LPIN1: variants seen among roughly 807,000 people sequenced by gnomAD.
The protein encoded by LPIN1 is lipin 1.
Under a neutral mutation model 107.5 loss-of-function variants are expected in LPIN1, and 71 were observed. The ratio of observed to expected loss-of-function variants is 0.66; its 90% confidence interval spans 0.55 to 0.80. The LOEUF (loss-of-function observed/expected upper bound fraction) is 0.80, where lower values mean the gene tolerates loss of function less well. LPIN1 is among the 30% of genes least tolerant of loss of function. LPIN1 has a pLI of 0.00. For synonymous variants in LPIN1, 445 were observed against 452.6 expected (o/e 0.98, Z 0.21); for missense variants, 1,043 against 1,160.6 (o/e 0.90, Z 1.47).
chr2:11,819,448 C>A, intron 18 of LPIN1, 36 bp from the exon 19 acceptor site: 1 of 1,287,854 alleles, frequency 7.8e-7, no homozygotes, highest in African/African-American at 1.5e-5. Context: ...GGAAGCTTAG[C>A]CTCTCATGTT....
chr2:11,779,420 G>A, intron 6 of LPIN1, 99 bp from the exon 7 acceptor site: 1 of 1,254,208 alleles, frequency 8.0e-7, no homozygotes, highest in Non-Finnish European at 1.2e-6. Context: ...CGACAGCTGG[G>A]GGTGCATTTT....
chr2:11,693,784 G>GTGTATATATATATA (rs1491206452), intron 1 of LPIN1, among the ~76,000 whole-genome samples: 8 of 53,810 alleles, frequency 1.5e-4, no homozygotes, highest in African/African-American at 1.2e-3. Context: ...GTGTGTGTGA[G>GTGTATATATATATA]TGTGTATATA....
chr2:11,816,515 T>C (rs2148725417), intron 18 of LPIN1: 1 of 152,348 alleles, frequency 6.6e-6, no homozygotes, highest in Non-Finnish European at 1.5e-5. Flanking sequence ...TATTTAAATA[T>C]CATTGTCCAA....
chr2:11,705,178 G>A (rs1663067574), intron 1 of LPIN1, among the ~76,000 whole-genome samples: 2 of 152,184 alleles, frequency 1.3e-5, no homozygotes, highest in Non-Finnish European at 2.9e-5. Flanking sequence ...TGGTGTTGTG[G>A]CTTTGAAGTC....
intron 2 of LPIN1, among the ~76,000 whole-genome samples, chr2:11,718,844 C>T (rs1261650759): frequency 6.6e-6 from 1 of 152,190 alleles, no homozygotes; most frequent in East Asian, 1.9e-4. Flanking sequence ...ATTCCCTTCT[C>T]CTCTAATAGA....
chr2:11,758,241 C>CT (rs2148596021), intron 1 of LPIN1, among the ~76,000 whole-genome samples: 1 of 151,706 alleles, frequency 6.6e-6, no homozygotes, highest in South Asian at 2.1e-4. Context: ...GTGCCAATAT[C>CT]TTTTCGAGAC....
At chr2:11,729,651 T>C (rs980371632) in intron 1 of LPIN1, among the ~76,000 whole-genome samples, 3 of 152,236 alleles carry the variant, frequency 2.0e-5, no homozygotes, top group African/African-American at 4.8e-5. Context: ...ACAGAGACCA[T>C]GTGACCTGCA....
chr2:11,696,212 G>A (rs1391416899), intron 1 of LPIN1, among the ~76,000 whole-genome samples: 1 of 151,252 alleles, frequency 6.6e-6, no homozygotes, highest in East Asian at 2.0e-4. Context: ...GCCCCAGTGT[G>A]TGGTGTTCCC....
chr2:11,791,086 T>C lies in LPIN1; in HGVS notation c.1714-828T>C, dbSNP rs551339776. ...CTATTTATGAGCTGGATGTGAGTGG[T>C]TTGCATTTTAGTGCAGTTGGGTTTT... On this transcript the variant is annotated intron_variant, in intron 12 of 20. Transcript: ENST00000674199. Among the ~76,000 whole-genome samples, 64 of 152,330 alleles carry C rather than the reference T, an allele frequency of 4.2e-4. 1 individual carries two copies. Among genetic ancestry groups the C allele is most frequent in the Non-Finnish European group, 7.1e-4 (48 of 68,024 alleles).
At chr2:11,814,987 A>C (rs1680322746) in intron 17 of LPIN1, 101 bp from the exon 18 acceptor site, 3 of 1,133,364 alleles carry the variant, frequency 2.6e-6, no homozygotes, top group Non-Finnish European at 2.6e-6. Flanking sequence ...GGAACTTGAA[A>C]CAGTGCCATT....
At chr2:11,692,570 GT>G (rs1207172588) in intron 1 of LPIN1, among the ~76,000 whole-genome samples, 1 of 152,244 alleles carries the variant, frequency 6.6e-6, no homozygotes, top group Non-Finnish European at 1.5e-5. Flanking sequence ...AGTTTCTAAA[GT>G]GCTTAGCAAA....
intron 1 of LPIN1, among the ~76,000 whole-genome samples, chr2:11,730,924 C>T (rs758454411): frequency 6.6e-5 from 10 of 152,196 alleles, no homozygotes; most frequent in South Asian, 6.2e-4. Flanking sequence ...CTAGTCAGCT[C>T]GACGATGTGA....
At chr2:11,764,972 T>C (rs1020546323) in intron 1 of LPIN1, among the ~76,000 whole-genome samples, 5 of 152,136 alleles carry the variant, frequency 3.3e-5, no homozygotes, top group Non-Finnish European at 5.9e-5. Context: ...TGCTGGACTC[T>C]GGGAGAGTGG....
intron 2 of LPIN1, among the ~76,000 whole-genome samples, chr2:11,715,051 C>G (rs1408132929): frequency 1.3e-5 from 2 of 152,208 alleles, no homozygotes; most frequent in East Asian, 3.9e-4. Flanking sequence ...GGCCAGGAAT[C>G]CTGAGGAGAG....
At chr2:11,745,296 TCCC>T (rs1666785410), upstream of LPIN1, 1 of 152,262 alleles carries the variant, frequency 6.6e-6, no homozygotes, top group Admixed American at 6.5e-5. Context: ...CACCATCATG[TCCC>T]CCGGTTTCCT....
At chr2:11,745,008 C>G (rs1216279456), upstream of LPIN1, among the ~76,000 whole-genome samples, 2 of 152,228 alleles carry the variant, frequency 1.3e-5, no homozygotes, top group African/African-American at 4.8e-5. Flanking sequence ...CGCCCCTGGA[C>G]AAAGCTCTCC....
chr2:11,719,579 G>A (rs1392107592), upstream of LPIN1, among the ~76,000 whole-genome samples: 1 of 152,180 alleles, frequency 6.6e-6, no homozygotes, highest in East Asian at 1.9e-4. Flanking sequence ...ATTGCTGTGA[G>A]TTTTAAATTC....
chr2:11,787,710 G>A (rs954249102), intron 11 of LPIN1, among the ~76,000 whole-genome samples: 7 of 152,006 alleles, frequency 4.6e-5, no homozygotes, highest in Non-Finnish European at 1.0e-4. Flanking sequence ...GGGAGGCCAA[G>A]GCAGGCGGAT....
rs543108669 is a variant in LPIN1, at chr2:11,753,055, T to C, written c.-10+6384T>C. 3.9e-5 allele frequency among the ~76,000 whole-genome samples: 6 copies of C among 152,166 alleles called. No individual in the cohort carries two copies. The East Asian group carries it at 7.7e-4, about 20-fold the overall frequency. On this transcript the variant is annotated intron_variant, in intron 1 of 20. Coordinates refer to ENST00000674199, the MANE Select transcript of LPIN1 (RefSeq NM_001349206.2). ...CTGCTGTGTGCTGGAGTTCTACAGATGAGCTTAATTATGGGAACGCCCTCC... is the reference window on the plus strand; with the variant it reads ...CTGCTGTGTGCTGGAGTTCTACAGACGAGCTTAATTATGGGAACGCCCTCC...
Sources: allele counts gnomAD v4.1 joint callset (sites outside exome capture counted in the v4.1 genomes callset), GRCh38; gene constraint gnomAD v4.1.1; transcripts MANE v1.5; gene names NCBI Gene and HGNC (gene_info 2026-07-23, HGNC 2026-07-21).